Variants in ARMC7 observed in about 807,000 individuals in gnomAD.
ARMC7 encodes the protein armadillo repeat containing 7.
Under a neutral mutation model 14.8 loss-of-function variants are expected in ARMC7, and 9 were observed. That is an observed-to-expected ratio of 0.61 (90% CI 0.37 to 1.06). The LOEUF (loss-of-function observed/expected upper bound fraction) is 1.06, where lower values mean the gene tolerates loss of function less well. ARMC7 is among the 50% of genes least tolerant of loss of function. ARMC7 has a pLI of 0.01. For missense variants in ARMC7, 262 were observed against 267.1 expected (o/e 0.98, Z 0.13); for synonymous variants, 125 against 123.4 (o/e 1.01, Z -0.09).
chr17:75,119,503 C>T (rs2073997709), intron 2 of ARMC7, among the ~76,000 whole-genome samples: 1 of 142,890 alleles, frequency 7.0e-6, no homozygotes, highest in Non-Finnish European at 1.5e-5. Context: ...GGCTGGAGTG[C>T]AGTGGCGCGA....
rs74697881 is a variant in ARMC7 at position 75,110,337 on chromosome 17, C to T, written c.49C>T (p.Leu17=). ...CCCCCACGTCGGGCGGCTGGGATAC[C>T]TGCAGGCGCTGGTCACGGAATTCCA... ...VDPHVGRLGY[L]QALVTEFQET... is the part of the protein sequence containing the mutation. The change falls in exon 1 of 3, where the codon CTG becomes TTG. Residue 17 remains leucine, a synonymous_variant. Transcript: ENST00000245543. 0.026 allele frequency: 41,173 copies of T among 1,613,998 alleles called. 594 individuals are homozygous for T. Among genetic ancestry groups the T allele is most frequent in the Non-Finnish European group, 0.031 (37,016 of 1,180,034 alleles).
intron 2 of ARMC7, among the ~76,000 whole-genome samples, chr17:75,115,267 G>A (rs2073965397): frequency 6.6e-6 from 1 of 152,190 alleles, no homozygotes; most frequent in Non-Finnish European, 1.5e-5. Context: ...AACCAAGCTG[G>A]GTATGGTGGC....
intron 2 of ARMC7, among the ~76,000 whole-genome samples, chr17:75,112,682 CTT>C (rs1287145207): frequency 1.4e-5 from 2 of 146,630 alleles, no homozygotes; most frequent in Admixed American, 1.4e-4. Flanking sequence ...CTCAAGCAGT[CTT>C]CCTGCCTTAG....
At chr17:75,115,162 C>A (rs1290529460) in intron 2 of ARMC7, among the ~76,000 whole-genome samples, 1 of 152,172 alleles carries the variant, frequency 6.6e-6, no homozygotes, top group African/African-American at 2.4e-5. Flanking sequence ...CTGGCCATGA[C>A]TTGGTGCAAC....
chr17:75,125,658 C>T (rs536798992), intron 2 of ARMC7, among the ~76,000 whole-genome samples: 7 of 151,570 alleles, frequency 4.6e-5, no homozygotes, highest in African/African-American at 1.7e-4. Flanking sequence ...GCTAACATGG[C>T]GAAACCCTGT....
chr17:75,126,534 T>G (rs1439005625), intron 2 of ARMC7, among the ~76,000 whole-genome samples: 1 of 152,216 alleles, frequency 6.6e-6, no homozygotes, highest in Admixed American at 6.5e-5. Flanking sequence ...TAGCCATGAA[T>G]GTGAATTTAT....
chr17:75,112,474 C>G (rs1238335101), intron 2 of ARMC7, among the ~76,000 whole-genome samples: 1 of 151,964 alleles, frequency 6.6e-6, no homozygotes, highest in Non-Finnish European at 1.5e-5. Flanking sequence ...GGCTTCTCCA[C>G]TGTAAAATTA....
At position 75,129,125 on chromosome 17, in the gene ARMC7, C is replaced by G; in HGVS notation, c.*87C>G. ...GCAGGGAACGGGGAGCACATACTGCCCCATTGGTGCCTTTTCAGCCATCTG... is the reference window on the plus strand; with the variant it reads ...GCAGGGAACGGGGAGCACATACTGCGCCATTGGTGCCTTTTCAGCCATCTG... On this transcript the variant is annotated 3_prime_UTR_variant, in exon 3 of 3. Coordinates refer to ENST00000245543, the MANE Select transcript of ARMC7 (RefSeq NM_024585.4). 6.8e-7 allele frequency: 1 copy of G among 1,474,570 alleles called. No individual in the cohort carries two copies. The highest frequency in any genetic ancestry group is 1.4e-5 in the South Asian group (1 of 73,068). 91.3% of individuals were successfully genotyped at this position (1,474,570 alleles called of 1,614,324 possible). A position where few individuals can be genotyped will look rare whatever the true frequency, so the allele number is the denominator to read the frequency against.
intron 2 of ARMC7, among the ~76,000 whole-genome samples, chr17:75,115,859 T>C (rs758724738): frequency 1.3e-5 from 2 of 152,152 alleles, no homozygotes. Context: ...GTTGAGAGAA[T>C]TAAATGAAAC....
In ARMC7 at chr17:75,128,926, T is replaced by C; in HGVS notation, c.485T>C (p.Ile162Thr). Residue 162 changes from isoleucine to threonine, a missense_variant, in exon 3 of 3, where the codon ATC becomes ACC. Coordinates refer to ENST00000245543, the MANE Select transcript of ARMC7 (RefSeq NM_024585.4). Reference sequence around the variant, plus strand: ...GCCAGGCTCCGGAACCTGGCACAGATCTTCCTGGAGGACTTCTGCTCCCCC... The same window carrying C: ...GCCAGGCTCCGGAACCTGGCACAGACCTTCCTGGAGGACTTCTGCTCCCCC... ...ASARLRNLAQ[I>T]FLEDFCSPRQ... 6.2e-7 allele frequency: 1 copy of C among 1,608,536 alleles called. No homozygotes were observed. The highest frequency in any genetic ancestry group is 8.5e-7 in the Non-Finnish European group (1 of 1,179,740).
At chr17:75,112,536 A>G (rs1425216725) in intron 2 of ARMC7, among the ~76,000 whole-genome samples, 2 of 150,236 alleles carry the variant, frequency 1.3e-5, no homozygotes, top group Non-Finnish European at 3.0e-5. Flanking sequence ...AAGTCACTAC[A>G]TAAATTATCT....
intron 2 of ARMC7, among the ~76,000 whole-genome samples, chr17:75,126,813 C>T (rs1437721357): frequency 6.6e-6 from 1 of 152,062 alleles, no homozygotes; most frequent in Non-Finnish European, 1.5e-5. Flanking sequence ...GTAATCCCAG[C>T]ACTTTGGGAG....
At chr17:75,115,885 T>C (rs958400319) in intron 2 of ARMC7, among the ~76,000 whole-genome samples, 11 of 152,154 alleles carry the variant, frequency 7.2e-5, no homozygotes, top group Non-Finnish European at 1.6e-4. Context: ...AGTGCTCTTT[T>C]AGGGTTAGTG....
intron 2 of ARMC7, chr17:75,114,020 AAAGCC>A: frequency 2.5e-6 from 1 of 394,290 alleles, no homozygotes; most frequent in Non-Finnish European, 4.5e-6. Flanking sequence ...GGGGCCTGCT[AAAGCC>A]AAGCCAGGGC....
At chr17:75,122,611 C>T (rs1483112805) in intron 2 of ARMC7, among the ~76,000 whole-genome samples, 1 of 152,060 alleles carries the variant, frequency 6.6e-6, no homozygotes, top group Non-Finnish European at 1.5e-5. Flanking sequence ...GATCCTCCTG[C>T]CTCACCACCC....
At chr17:75,113,455 C>T (rs565572477) in intron 2 of ARMC7, among the ~76,000 whole-genome samples, 1 of 151,114 alleles carries the variant, frequency 6.6e-6, no homozygotes, top group Non-Finnish European at 1.5e-5. Context: ...CCCGGGTTCA[C>T]GCCATTCTCC....
At chr17:75,114,129 GTCC>G in intron 2 of ARMC7, 1 of 401,214 alleles carries the variant, frequency 2.5e-6, no homozygotes, top group Non-Finnish European at 4.4e-6. Flanking sequence ...TCTCTAAAAC[GTCC>G]TCCGTCCCGT....
At chr17:75,118,367 C>T (rs1398601405) in intron 2 of ARMC7, among the ~76,000 whole-genome samples, 1 of 152,170 alleles carries the variant, frequency 6.6e-6, no homozygotes, top group African/African-American at 2.4e-5. Context: ...CCATGTCAGC[C>T]AGGGCTTCAG....
At chr17:75,126,735 C>T (rs942198855) in intron 2 of ARMC7, among the ~76,000 whole-genome samples, 5 of 151,970 alleles carry the variant, frequency 3.3e-5, no homozygotes, top group African/African-American at 1.2e-4. Context: ...GTGTGCTCAA[C>T]CATGCCCCGC....
Sources: allele counts gnomAD v4.1 joint callset (sites outside exome capture counted in the v4.1 genomes callset), GRCh38; gene constraint gnomAD v4.1.1; transcripts MANE v1.5; gene names NCBI Gene and HGNC (gene_info 2026-07-23, HGNC 2026-07-21).